ERP29: variants seen among roughly 807,000 people sequenced by gnomAD.
The protein encoded by ERP29 is endoplasmic reticulum resident protein 29.
Under a neutral mutation model 21.7 loss-of-function variants are expected in ERP29, and 14 were observed. That is an observed-to-expected ratio of 0.64 (90% CI 0.43 to 1.01). The LOEUF (loss-of-function observed/expected upper bound fraction) is 1.01. Ranked by LOEUF, ERP29 falls within the 50% of genes least tolerant of loss-of-function variation. The probability of loss-of-function intolerance (pLI) is 0.00; values close to 1 mark genes in which losing one functional copy is unlikely to be tolerated. For synonymous variants in ERP29, 129 were observed against 139.1 expected (o/e 0.93, Z 0.51); for missense variants, 286 against 327.3 (o/e 0.87, Z 0.97).
chr12:112,020,263 C>A (rs994923893), intron 2 of ERP29, among the ~76,000 whole-genome samples: 2 of 152,110 alleles, frequency 1.3e-5, no homozygotes, highest in African/African-American at 4.8e-5. Flanking sequence ...GTCTTCATTT[C>A]AGTTTATGTA....
intron 1 of ERP29, among the ~76,000 whole-genome samples, chr12:112,017,793 T>C (rs2078021010): frequency 6.8e-6 from 1 of 147,842 alleles, no homozygotes; most frequent in Non-Finnish European, 1.5e-5. Context: ...CTTTTTTTTT[T>C]TTTTTTTTGA....
chr12:112,016,643 C>T (rs1273604698), intron 1 of ERP29, among the ~76,000 whole-genome samples: 2 of 152,116 alleles, frequency 1.3e-5, no homozygotes, highest in Non-Finnish European at 2.9e-5. Context: ...GATAACAGAC[C>T]ACTTCGGGAG....
rs1164185865 is a variant in ERP29 at position 112,021,515 on chromosome 12, C to CTTTTT, written c.284-613_284-609dup. On this transcript the variant is annotated intron_variant, in intron 2 of 2. Coordinates refer to ENST00000261735, the MANE Select transcript of ERP29 (RefSeq NM_006817.4). Reference sequence around the variant, plus strand: ...CTTAGAAGAATATGAGCTTAATAGTCTTTTTTTTTTTTTTTTTTTTTTTTT... The same window carrying CTTTTT: ...CTTAGAAGAATATGAGCTTAATAGTCTTTTTTTTTTTTTTTTTTTTTTTTTTTTTT... 4.8e-3 allele frequency among the ~76,000 whole-genome samples: 337 copies of CTTTTT among 70,046 alleles called. 95 individuals are homozygous for CTTTTT. Among genetic ancestry groups the CTTTTT allele is most frequent in the African/African-American group, 0.024 (322 of 13,584 alleles). The allele number at this position is 70,046 out of a possible 152,430, so 46.0% of individuals were successfully genotyped here. A position where few individuals can be genotyped will look rare whatever the true frequency, so the allele number is the denominator to read the frequency against.
chr12:112,018,052 T>C (rs1343038548), intron 1 of ERP29, among the ~76,000 whole-genome samples: 1 of 152,138 alleles, frequency 6.6e-6, no homozygotes, highest in Non-Finnish European at 1.5e-5. Flanking sequence ...CCCAGAGTGC[T>C]GGGATTACAG....
At chr12:112,017,871 G>A (rs112101023) in intron 1 of ERP29, among the ~76,000 whole-genome samples, 16,356 of 141,134 alleles carry the variant, frequency 0.12, 1,222 homozygotes, top group African/African-American at 0.23. Context: ...CGCAACCTCC[G>A]CCTCCCAGGT....
chr12:112,022,091 C>G, intron 2 of ERP29, 59 bp from the exon 3 acceptor site: 1 of 1,574,544 alleles, frequency 6.4e-7, no homozygotes, highest in Non-Finnish European at 8.7e-7. Context: ...GGTCCCATAG[C>G]AATTTTCTGC....
intron 1 of ERP29, among the ~76,000 whole-genome samples, chr12:112,013,920 C>T (rs1217025134): frequency 1.3e-5 from 2 of 152,190 alleles, no homozygotes; most frequent in Non-Finnish European, 2.9e-5. Context: ...CGGTGCCTGG[C>T]GAGATCCAAC....
intron 2 of ERP29, among the ~76,000 whole-genome samples, chr12:112,021,698 G>T (rs1431428405): frequency 6.6e-6 from 1 of 151,138 alleles, no homozygotes; most frequent in African/African-American, 2.4e-5. Context: ...TAATTTTTTT[G>T]TTATTTTTAG....
At chr12:112,016,294 G>T (rs541228097) in intron 1 of ERP29, among the ~76,000 whole-genome samples, 1 of 152,316 alleles carries the variant, frequency 6.6e-6, no homozygotes, top group African/African-American at 2.4e-5. Flanking sequence ...ATGTACTAGT[G>T]TTCTGTCTGG....
Position 112,022,253 on chromosome 12 carries a change from A to G in ERP29, c.387A>G (p.Pro129=), listed in dbSNP as rs1456180856. The G allele has an allele frequency of 2.5e-6, 4 of 1,613,674 alleles. No homozygotes were observed. In the Admixed American group the frequency reaches 5.0e-5, roughly 20 times the overall value. ...TCCGGGATGGGGACTTTGAGAACCC[A>G]GTCCCATACACTGGGGCAGTTAAGG... ...YLFRDGDFEN[P]VPYTGAVKVG... The change falls in exon 3 of 3, where the codon CCA becomes CCG. Residue 129 remains proline, a synonymous_variant. Coordinates refer to ENST00000261735, the MANE Select transcript of ERP29 (RefSeq NM_006817.4).
chr12:112,013,750 G>T (rs2077964061), intron 1 of ERP29, 141 bp downstream of exon 1: 2 of 902,112 alleles, frequency 2.2e-6, no homozygotes, highest in South Asian at 3.7e-5. Context: ...CGTCCTACAG[G>T]CCTAGTGGAC....
chr12:112,022,634 C>T lies in ERP29; in HGVS notation c.768C>T (p.Ala256=), dbSNP rs757509009. The T allele has an allele frequency of 6.8e-6, 11 of 1,608,872 alleles. No individual in the cohort carries two copies. The highest frequency in any genetic ancestry group is 1.1e-5 in the South Asian group (1 of 90,548). The stretch of plus-strand genomic sequence containing the variant: ...TGACTGCCTTCCAGAAGAAGGGGGC[C>T]GAGAAAGAGGAGCTGTAAAAAGGCT... ...NILTAFQKKG[A]EKEEL Residue 256 remains alanine, a synonymous_variant, in exon 3 of 3, where the codon GCC becomes GCT. Coordinates refer to ENST00000261735, the MANE Select transcript of ERP29 (RefSeq NM_006817.4).
At chr12:112,014,322 T>TTA (rs1733892503) in intron 1 of ERP29, among the ~76,000 whole-genome samples, 1 of 152,134 alleles carries the variant, frequency 6.6e-6, no homozygotes, top group African/African-American at 2.4e-5. Flanking sequence ...AGCACGACCT[T>TTA]TATTGTGAAC....
At chr12:112,017,634 G>C (rs1283436667) in intron 1 of ERP29, among the ~76,000 whole-genome samples, 1 of 152,094 alleles carries the variant, frequency 6.6e-6, no homozygotes, top group African/African-American at 2.4e-5. Flanking sequence ...CCAGAGCTCA[G>C]GCTTTTTGGC....
In ERP29 at chr12:112,022,506, G is replaced by A. The variant is rs779720718; in HGVS notation, c.640G>A (p.Glu214Lys). ...CATGGGGAAGATCTTAGACCAAGGG[G>A]AGGACTTCCCAGCATCAGAGATGAC... ...KIMGKILDQG[E>K]DFPASEMTRI... The change falls in exon 3 of 3, where the codon GAG becomes AAG. Residue 214 changes from glutamate (E) to lysine (K), a missense_variant. Coordinates refer to ENST00000261735, the MANE Select transcript of ERP29 (RefSeq NM_006817.4). 146 of 1,614,072 alleles carry A rather than the reference G, an allele frequency of 9.0e-5. No individual in the cohort carries two copies. Among genetic ancestry groups the A allele is most frequent in the Non-Finnish European group, 5.7e-5 (67 of 1,180,040 alleles).
At chr12:112,021,043 A>G (rs2078041571) in intron 2 of ERP29, among the ~76,000 whole-genome samples, 1 of 152,222 alleles carries the variant, frequency 6.6e-6, no homozygotes, top group Admixed American at 6.5e-5. Context: ...TGGGGCTGCT[A>G]CTGCTCGTTA....
chr12:112,020,406 C>T (rs1357741059), intron 2 of ERP29, among the ~76,000 whole-genome samples: 1 of 152,132 alleles, frequency 6.6e-6, no homozygotes, highest in East Asian at 1.9e-4. Context: ...ATCTGCACCC[C>T]CATTGCATTT....
chr12:112,013,967 G>T (rs1375874549), intron 1 of ERP29, among the ~76,000 whole-genome samples: 1 of 152,258 alleles, frequency 6.6e-6, no homozygotes. Context: ...AGGGCGGTGC[G>T]AGGTCGACGC....
In ERP29 at chr12:112,013,625, G is replaced by T; in HGVS notation, c.144+16G>T. ...TTTCTACAAGGTAACCGGGGCGGGG[G>T]ACGTCGCGCGCAGGTGCCGCCGGGG... On this transcript the variant is annotated intron_variant, in intron 1 of 2. Coordinates refer to ENST00000261735, the MANE Select transcript of ERP29 (RefSeq NM_006817.4). The T allele has an allele frequency of 6.5e-7, 1 of 1,533,838 alleles. No homozygotes were observed. Among genetic ancestry groups the T allele is most frequent in the South Asian group, 1.2e-5 (1 of 83,192 alleles).
Sources: gnomAD v4.1 joint callset for allele counts (sites outside exome capture counted in the v4.1 genomes callset) on GRCh38, gnomAD v4.1.1 for gene constraint, MANE v1.5 for transcripts, NCBI Gene and HGNC (gene_info 2026-07-23, HGNC 2026-07-21) for gene names.